RASA3: variants seen among roughly 807,000 people sequenced by gnomAD.
RASA3 encodes the protein ras GTPase-activating protein 3.
Under a neutral mutation model 110.0 loss-of-function variants are expected in RASA3, and 73 were observed. The observed-to-expected ratio is 0.66, with a 90% CI of 0.55 to 0.81. The LOEUF (loss-of-function observed/expected upper bound fraction) is 0.81, where lower values mean the gene tolerates loss of function less well. RASA3 is among the 30% of genes least tolerant of loss of function. The pLI, the probability that RASA3 is intolerant of heterozygous loss-of-function variation, is 0.00. For synonymous variants in RASA3, 500 were observed against 451.4 expected, an observed-to-expected ratio of 1.11 and a Z score of -1.37; for missense variants, 976 against 1,113.2, an observed-to-expected ratio of 0.88 and a Z score of 1.75.
chr13:114,098,242 GA>G (rs947966278), intron 1 of RASA3, among the ~76,000 whole-genome samples: 7 of 152,004 alleles, frequency 4.6e-5, no homozygotes, highest in South Asian at 4.1e-4. Flanking sequence ...AAGACAGCAG[GA>G]AAAAAAATCA....
chr13:114,018,742 G>C, intron 10 of RASA3, 21 bp downstream of exon 10: 3 of 1,611,646 alleles, frequency 1.9e-6, no homozygotes, highest in Non-Finnish European at 2.5e-6. Flanking sequence ...CACACCCACA[G>C]GCCACGGCGT....
At chr13:114,063,593 C>T (rs1389202067) in intron 2 of RASA3, among the ~76,000 whole-genome samples, 1 of 152,210 alleles carries the variant, frequency 6.6e-6, no homozygotes, top group Non-Finnish European at 1.5e-5. Context: ...GCTGATAAAA[C>T]GCTGGGGTCA....
chr13:114,071,771 CAGTGACGGAGTGA>C (rs1380093535), intron 2 of RASA3, among the ~76,000 whole-genome samples: 2 of 152,196 alleles, frequency 1.3e-5, no homozygotes, highest in African/African-American at 4.8e-5. Context: ...GAAGCACTGT[CAGTGACGGAGTGA>C]TATGAGCCCC....
chr13:114,128,854 G>A (rs896478255), intron 1 of RASA3, among the ~76,000 whole-genome samples: 7 of 152,168 alleles, frequency 4.6e-5, no homozygotes, highest in Non-Finnish European at 7.3e-5. Flanking sequence ...ATTCCCGGAC[G>A]CTGACCGCCT....
chr13:114,091,500 G>C (rs1430110604), intron 1 of RASA3, among the ~76,000 whole-genome samples: 1 of 150,586 alleles, frequency 6.6e-6, no homozygotes, highest in African/African-American at 2.4e-5. Context: ...TTATATCCAT[G>C]TGACCGATCA....
chr13:114,102,799 G>A (rs2080076992), intron 1 of RASA3, among the ~76,000 whole-genome samples: 1 of 152,212 alleles, frequency 6.6e-6, no homozygotes, highest in South Asian at 2.1e-4. Context: ...CCTGGGGAGG[G>A]CGGCAAAGCC....
intron 1 of RASA3, among the ~76,000 whole-genome samples, chr13:114,122,734 G>A (rs1594480765): frequency 6.6e-6 from 1 of 151,506 alleles, no homozygotes; most frequent in Non-Finnish European, 1.5e-5. Flanking sequence ...TAGGAAGGGG[G>A]TCTCCGGCCG....
rs1018156569 is a variant in RASA3 at position 113,999,525 on chromosome 13, A to T, written c.1932+60T>A. 1.7e-5 allele frequency: 23 copies of T among 1,368,186 alleles called. No individual in the cohort carries two copies. The East Asian group carries it at 5.0e-4, about 30-fold the overall frequency. The allele number at this position is 1,368,186 out of a possible 1,614,324, so 84.8% of individuals were successfully genotyped here. ...AGCCCAGGGCCAGGTACGGGAAGAGAGCAGAGAAAACCTGGCCAGGCCTCA... is the reference window on the plus strand; with the variant it reads ...AGCCCAGGGCCAGGTACGGGAAGAGTGCAGAGAAAACCTGGCCAGGCCTCA... On this transcript the variant is annotated intron_variant, in intron 20 of 23. Transcript: ENST00000334062.
At chr13:114,126,463 C>G (rs1411208892) in intron 1 of RASA3, among the ~76,000 whole-genome samples, 2 of 151,384 alleles carry the variant, frequency 1.3e-5, no homozygotes, top group Admixed American at 6.6e-5. Flanking sequence ...GCTACCCCTC[C>G]CAGACCCCCT....
intron 2 of RASA3, among the ~76,000 whole-genome samples, chr13:114,062,733 C>A (rs945800847): frequency 6.6e-6 from 1 of 152,228 alleles, no homozygotes. Context: ...CTCAGACATG[C>A]GTGCTCACAG....
intron 1 of RASA3, chr13:114,108,928 G>C (rs761196211): frequency 6.6e-6 from 1 of 152,362 alleles, no homozygotes; most frequent in South Asian, 2.1e-4. Flanking sequence ...TGCATGCAGC[G>C]TGCAGGTGTC....
At position 114,030,412 on chromosome 13, in the gene RASA3, A is replaced by AG. The variant is rs1566501477; in HGVS notation, c.373-526dup. The stretch of plus-strand genomic sequence containing the variant: ...CACAGGAGGCAAGACTCACGCAGAG[A>AG]GCAAGACTCACACAGAGGGCAAGGC... On this transcript the variant is annotated intron_variant, in intron 4 of 23. Transcript: ENST00000334062. Among the ~76,000 whole-genome samples the AG allele has an allele frequency of 3.6e-3, 213 of 59,804 alleles. 3 individuals are homozygous for AG. Among genetic ancestry groups the AG allele is most frequent in the African/African-American group, 9.9e-3 (187 of 18,822 alleles). The allele number at this position is 59,804 out of a possible 152,430, so 39.2% of individuals were successfully genotyped here. A position where few individuals can be genotyped will look rare whatever the true frequency, so the allele number is the denominator to read the frequency against.
chr13:114,132,305 G>C (rs1298977454), intron 1 of RASA3, 130 bp downstream of exon 1: 2 of 1,007,400 alleles, frequency 2.0e-6, no homozygotes, highest in East Asian at 6.7e-5. Context: ...GCCGTTCTCC[G>C]GGGAGCGCGC....
intron 1 of RASA3, among the ~76,000 whole-genome samples, chr13:114,100,957 T>G (rs564409445): frequency 6.6e-6 from 1 of 152,314 alleles, no homozygotes; most frequent in African/African-American, 2.4e-5. Flanking sequence ...CCATTTAACA[T>G]TTTTGGACCA....
chr13:114,062,803 G>A (rs924316408), intron 2 of RASA3, among the ~76,000 whole-genome samples: 1 of 152,266 alleles, frequency 6.6e-6, no homozygotes, highest in African/African-American at 2.4e-5. Flanking sequence ...TGCTGAGGGA[G>A]CAACAGCAGA....
At chr13:114,013,391 C>CTCTCTG in intron 14 of RASA3, 143 bp from the exon 15 acceptor site, 1 of 595,928 alleles carries the variant, frequency 1.7e-6, no homozygotes, top group Admixed American at 3.0e-5. Flanking sequence ...CTCTCTCCCT[C>CTCTCTG]TCTCTGTTTC....
intron 3 of RASA3, among the ~76,000 whole-genome samples, chr13:114,042,009 A>G (rs1272788663): frequency 6.6e-6 from 1 of 152,248 alleles, no homozygotes; most frequent in Non-Finnish European, 1.5e-5. Context: ...AAACAGGCTT[A>G]GTACTTTGGG....
chr13:114,114,919 C>T lies in RASA3; in HGVS notation c.55+17516G>A, dbSNP rs577850388. Among the ~76,000 whole-genome samples the T allele has an allele frequency of 6.6e-6, 1 of 152,330 alleles. No individual in the cohort carries two copies. The highest frequency in any genetic ancestry group is 6.5e-5 in the Admixed American group (1 of 15,306). Reference sequence around the variant, plus strand: ...GCTGGGAAATTCCCGGGCACGACCCCTGGCCGTGGGTGAAAGCACCCCCAG... The same window carrying T: ...GCTGGGAAATTCCCGGGCACGACCCTTGGCCGTGGGTGAAAGCACCCCCAG... On this transcript the variant is annotated intron_variant, in intron 1 of 23. Transcript: ENST00000334062. The surrounding 1 kb of genome is among the most constrained non-coding windows in gnomAD (Gnocchi z 4.8).
At chr13:114,034,100 A>G (rs1341102034) in intron 4 of RASA3, among the ~76,000 whole-genome samples, 2 of 152,032 alleles carry the variant, frequency 1.3e-5, no homozygotes, top group Non-Finnish European at 2.9e-5. Flanking sequence ...TGGGCCTGCT[A>G]TCCGTGGCTA....
Sources: gnomAD v4.1 joint callset for allele counts (sites outside exome capture counted in the v4.1 genomes callset) on GRCh38, gnomAD v4.1.1 for gene constraint, Gnocchi (gnomAD v3.1) non-coding constraint, MANE v1.5 for transcripts, NCBI Gene and HGNC (gene_info 2026-07-23, HGNC 2026-07-21) for gene names.